AGBL4: variants seen among roughly 807,000 people sequenced by gnomAD.
AGBL4 encodes the protein AGBL carboxypeptidase 4.
A neutral mutation model predicts 66.4 loss-of-function variants in AGBL4; 58 were observed. The ratio of observed to expected loss-of-function variants is 0.87; its 90% CI spans 0.71 to 1.09. The LOEUF (loss-of-function observed/expected upper bound fraction) is 1.09, where lower values mean the gene tolerates loss of function less well. AGBL4 is among the 50% of genes least tolerant of loss of function. The probability of loss-of-function intolerance (pLI) is 0.00; values close to 1 mark genes in which losing one functional copy is unlikely to be tolerated. For synonymous variants in AGBL4, 234 were observed against 222.9 expected, an observed-to-expected ratio of 1.05 and a Z score of -0.44; for missense variants, 579 against 631.0, an observed-to-expected ratio of 0.92 and a Z score of 0.88.
chr1:49,164,955 T>C (rs948730291), intron 4 of AGBL4, among the ~76,000 whole-genome samples: 59 of 152,214 alleles, frequency 3.9e-4, no homozygotes, highest in Admixed American at 2.4e-3. Context: ...GCCAGCTCCA[T>C]AGTCTCTCTA....
chr1:49,373,885 C>T (rs997826671), intron 3 of AGBL4, among the ~76,000 whole-genome samples: 4 of 151,960 alleles, frequency 2.6e-5, no homozygotes, highest in Non-Finnish European at 4.4e-5. Flanking sequence ...ACAAGTGGCC[C>T]GGTATATGGT....
Position 49,520,809 on chromosome 1 carries a change from CT to C in AGBL4, c.282+176503del, listed in dbSNP as rs780615627. Among the ~76,000 whole-genome samples, 694 of 139,096 alleles carry C rather than the reference CT, an allele frequency of 5.0e-3. 2 individuals carry two copies. The highest frequency in any genetic ancestry group is 0.011 in the South Asian group (47 of 4,288). The allele number at this position is 139,096 out of a possible 152,430, so 91.3% of individuals were successfully genotyped here. ...TTTATCACTCACCAAAGATCACTCACTTTTTTTTTTTTTTTTTGGAGACGGA... is the reference window on the plus strand; with the variant it reads ...TTTATCACTCACCAAAGATCACTCACTTTTTTTTTTTTTTTTGGAGACGGA... On this transcript the variant is annotated intron_variant, in intron 3 of 13. Transcript: ENST00000371839.
At chr1:49,031,936 G>C (rs752888552) in intron 5 of AGBL4, among the ~76,000 whole-genome samples, 1 of 147,952 alleles carries the variant, frequency 6.8e-6, no homozygotes. Flanking sequence ...CACAACAAAG[G>C]CTCTTCAACT....
intron 3 of AGBL4, among the ~76,000 whole-genome samples, chr1:49,664,853 A>T (rs1306638164): frequency 6.6e-6 from 1 of 152,138 alleles, no homozygotes; most frequent in Non-Finnish European, 1.5e-5. Flanking sequence ...TACTTAAAGA[A>T]ATTAAGGAAG....
chr1:49,730,104 C>T (rs1039172059), intron 2 of AGBL4, among the ~76,000 whole-genome samples: 2 of 152,146 alleles, frequency 1.3e-5, no homozygotes, highest in African/African-American at 4.8e-5. Context: ...TGGACTCAGC[C>T]ACACAGATGG....
At chr1:49,877,508 C>A (rs943289500) in intron 1 of AGBL4, among the ~76,000 whole-genome samples, 1 of 150,980 alleles carries the variant, frequency 6.6e-6, no homozygotes, top group African/African-American at 2.4e-5. Context: ...AGGGATGAAG[C>A]CCACTTGATC....
At chr1:49,561,221 G>A (rs920906026) in intron 3 of AGBL4, among the ~76,000 whole-genome samples, 1 of 151,298 alleles carries the variant, frequency 6.6e-6, no homozygotes, top group Non-Finnish European at 1.5e-5. Context: ...ACCAATTTAG[G>A]GTGTAGAGCT....
At chr1:49,297,358 CAGAT>C (rs1469290868) in intron 3 of AGBL4, among the ~76,000 whole-genome samples, 2 of 152,080 alleles carry the variant, frequency 1.3e-5, no homozygotes, top group Non-Finnish European at 2.9e-5. Context: ...AAGTTACAGA[CAGAT>C]AGAAAAGTCT....
chr1:49,165,242 G>T lies in AGBL4; in HGVS notation c.377+80528C>A, dbSNP rs74552174. ...ACGAAGGAAGAAATTGATATGGATA[G>T]AATAGTAAAGAAATATTCTAGATTT... is the stretch of plus-strand genomic sequence containing the variant. On this transcript the variant is annotated intron_variant, in intron 4 of 13. Coordinates refer to ENST00000371839, the MANE Select transcript of AGBL4 (RefSeq NM_032785.4). Among the ~76,000 whole-genome samples, 94 of 152,188 alleles carry T rather than the reference G, an allele frequency of 6.2e-4. 2 individuals are homozygous for T. In the East Asian group the frequency reaches 0.017, roughly 27 times the overall value.
intron 5 of AGBL4, among the ~76,000 whole-genome samples, chr1:48,923,413 A>G (rs1654261261): frequency 6.6e-6 from 1 of 152,214 alleles, no homozygotes; most frequent in African/African-American, 2.4e-5. Flanking sequence ...TGATTGTTCC[A>G]GAAAAACCCA....
At chr1:49,249,163 C>G (rs1265043434) in intron 3 of AGBL4, among the ~76,000 whole-genome samples, 2 of 152,126 alleles carry the variant, frequency 1.3e-5, no homozygotes, top group Non-Finnish European at 2.9e-5. Context: ...ATACTTTTGT[C>G]CAATCATAAG....
At chr1:49,107,877 T>A (rs1645329493) in intron 4 of AGBL4, among the ~76,000 whole-genome samples, 1 of 152,128 alleles carries the variant, frequency 6.6e-6, no homozygotes, top group East Asian at 1.9e-4. Context: ...TACAAAAATT[T>A]ACCCCAACCC....
At chr1:49,242,405 C>T (rs1355111610) in intron 4 of AGBL4, among the ~76,000 whole-genome samples, 6 of 151,926 alleles carry the variant, frequency 3.9e-5, no homozygotes, top group Non-Finnish European at 8.8e-5. Flanking sequence ...TCCAACATCC[C>T]CATGCATGGA....
chr1:48,940,113 A>G lies in AGBL4; in HGVS notation c.595-72883T>C, dbSNP rs557389399. Among the ~76,000 whole-genome samples, 3 of 152,312 alleles carry G rather than the reference A, an allele frequency of 2.0e-5. No individual in the cohort carries two copies. The South Asian group carries it at 6.2e-4, about 32-fold the overall frequency. On this transcript the variant is annotated intron_variant, in intron 5 of 13. Coordinates refer to ENST00000371839, the MANE Select transcript of AGBL4 (RefSeq NM_032785.4). ...TCCTTGTGAGATAAGCAGGTTGGAG[A>G]CTGCTAACCCCATTTAAGAGTTGAG...
chr1:49,871,259 T>A (rs958985793), intron 1 of AGBL4, among the ~76,000 whole-genome samples: 3 of 151,982 alleles, frequency 2.0e-5, no homozygotes, highest in Non-Finnish European at 4.4e-5. Context: ...AAAAATTATA[T>A]CTTATGGTCA....
intron 5 of AGBL4, among the ~76,000 whole-genome samples, chr1:48,944,634 T>C (rs999774245): frequency 5.3e-5 from 8 of 152,178 alleles, no homozygotes; most frequent in Non-Finnish European, 2.9e-5. Flanking sequence ...CTCATTCTGT[T>C]ATAACACACT....
chr1:48,947,950 G>A (rs184679759), intron 5 of AGBL4, among the ~76,000 whole-genome samples: 11 of 151,204 alleles, frequency 7.3e-5, no homozygotes, highest in East Asian at 3.9e-4. Context: ...GAGTGCAGTC[G>A]CGCAATCTCG....
At chr1:49,703,518 T>A (rs946315441) in intron 2 of AGBL4, among the ~76,000 whole-genome samples, 14 of 151,176 alleles carry the variant, frequency 9.3e-5, no homozygotes, top group African/African-American at 3.4e-4. Context: ...CCACACGCAT[T>A]CATGATTAAA....
intron 2 of AGBL4, among the ~76,000 whole-genome samples, chr1:49,701,332 A>T (rs186700087): frequency 6.6e-6 from 1 of 152,082 alleles, no homozygotes; most frequent in East Asian, 1.9e-4. Flanking sequence ...AGATTTGCTA[A>T]GAGAGTAGAT....
Sources: gnomAD v4.1 joint callset for allele counts (sites outside exome capture counted in the v4.1 genomes callset) on GRCh38, gnomAD v4.1.1 for gene constraint, MANE v1.5 for transcripts, NCBI Gene and HGNC (gene_info 2026-07-23, HGNC 2026-07-21) for gene names.